LCT: variants seen among roughly 807,000 people sequenced by gnomAD.
LCT encodes the protein lactase/phlorizin hydrolase.
LCT carries 90 observed loss-of-function variants against 173.0 expected under a neutral mutation model. The observed-to-expected ratio is 0.52, with a 90% CI of 0.44 to 0.62. The LOEUF is 0.62. Among genes scored for constraint, LCT ranks in the 20% least tolerant of loss-of-function variants. The pLI is 0.00. For missense variants in LCT, 1,864 were observed against 2,431.4 expected, an observed-to-expected ratio of 0.77 and a Z score of 4.91; for synonymous variants, 853 against 957.6, an observed-to-expected ratio of 0.89 and a Z score of 2.02.
chr2:135,833,341 AAAAAAAT>A, intron 1 of LCT, 151 bp from the exon 2 acceptor site: 1 of 716,876 alleles, frequency 1.4e-6, no homozygotes, highest in Non-Finnish European at 2.5e-6. Context: ...AAGGTGGCTT[AAAAAAAT>A]AATGTTCCTT....
At chr2:135,836,015 TGTATACATA>T (rs1274983359) in intron 1 of LCT, among the ~76,000 whole-genome samples, 301 of 11,922 alleles carry the variant, frequency 0.025, 6 homozygotes, top group African/African-American at 0.039. Context: ...TATATATATA[TGTATACATA>T]TTTTTTTTTT....
Position 135,807,407 on chromosome 2 carries a change from C to T in LCT, c.3905-11G>A. 1 of 1,614,064 alleles carries T rather than the reference C, an allele frequency of 6.2e-7. No homozygotes were observed. Among genetic ancestry groups the T allele is most frequent in the Non-Finnish European group, 8.5e-7 (1 of 1,179,996 alleles). ...CATCGAGCCTGTAGGCTGGGAACAT[C>T]CCAAAGGGAGCAGAGGAGAGCTTGA... is the stretch of plus-strand genomic sequence containing the variant. On this transcript the variant is annotated splice_polypyrimidine_tract_variant and intron_variant, in intron 8 of 16. Coordinates refer to ENST00000264162, the MANE Select transcript of LCT (RefSeq NM_002299.4).
intron 9 of LCT, 135 bp downstream of exon 9, chr2:135,806,993 C>T: frequency 1.9e-6 from 2 of 1,026,500 alleles, no homozygotes; most frequent in Non-Finnish European, 3.0e-6. Flanking sequence ...AGAGGACCTC[C>T]CAGACCCCAT....
At chr2:135,831,830 C>A (rs1216849118) in intron 2 of LCT, among the ~76,000 whole-genome samples, 2 of 152,164 alleles carry the variant, frequency 1.3e-5, no homozygotes, top group Admixed American at 1.3e-4. Flanking sequence ...ACTACGGAGA[C>A]CGGCGGTGGT....
chr2:135,804,670 T>G (rs2077653939), intron 10 of LCT, 97 bp downstream of exon 10: 1 of 1,216,090 alleles, frequency 8.2e-7, no homozygotes, highest in African/African-American at 1.5e-5. Context: ...AAGCTAAATT[T>G]GAAACCAGCA....
rs761309644 is a variant in LCT, at chr2:135,808,587, G to A, written c.3760C>T (p.Arg1254Ter). The part of the protein sequence containing the change: ...AMNRAAPWGT[R>*]RLLNWIKEEY... ...TCCTTGATCCAGTTCAGCAGCCTTC[G>A]CGTCCCCCAGGGCGCAGCTCTGTTC... Residue 1254 changes from arginine (R) to a stop codon, truncating the protein, a stop_gained, in exon 8 of 17, where the codon CGA (arginine) becomes TGA (stop). Coordinates refer to ENST00000264162, the MANE Select transcript of LCT (RefSeq NM_002299.4). LOFTEE classifies it high-confidence loss of function. The A allele has an allele frequency of 8.7e-6, 14 of 1,614,086 alleles. No individual in the cohort carries two copies. Among genetic ancestry groups the A allele is most frequent in the African/African-American group, 2.7e-5 (2 of 74,932 alleles).
intron 3 of LCT, among the ~76,000 whole-genome samples, chr2:135,829,248 C>T (rs149748910): frequency 1.2e-4 from 18 of 152,114 alleles, no homozygotes; most frequent in African/African-American, 2.9e-4. Flanking sequence ...GTTAAGTGGA[C>T]GCTTATCGTT....
At chr2:135,799,158 C>T (rs751506498) in intron 12 of LCT, among the ~76,000 whole-genome samples, 3 of 152,182 alleles carry the variant, frequency 2.0e-5, no homozygotes, top group Admixed American at 6.5e-5. Context: ...TTAAGCCCTT[C>T]GTTGCATTTA....
chr2:135,808,716 A>C lies in LCT; in HGVS notation c.3631T>G (p.Ser1211Ala). Residue 1211 changes from serine (S) to alanine (A), a missense_variant, in exon 8 of 17, where the codon TCC becomes GCC. Transcript: ENST00000264162. ...ADVFCLNTYY[S>A]RIVQHKTPRL... ...GGTGTTTTGTGCTGCACGATTCTGG[A>C]GTAGTACGTGTTGAGGCAGAAGACG... 6.2e-7 allele frequency: 1 copy of C among 1,614,130 alleles called. No homozygotes were observed. Among genetic ancestry groups the C allele is most frequent in the Non-Finnish European group, 8.5e-7 (1 of 1,180,014 alleles).
rs1257692858 is a variant in LCT, at chr2:135,797,962, TTGCCC to T, written c.4976+62_4976+66del. Reference sequence around the variant, plus strand: ...AGCAAAGAAGCTCAGTCATGGTAACTTGCCCGAGACATGCCTCTGTGACCCCGACG... The same window carrying T: ...AGCAAAGAAGCTCAGTCATGGTAACTGAGACATGCCTCTGTGACCCCGACG... On this transcript the variant is annotated intron_variant, in intron 13 of 16. Transcript: ENST00000264162. 5 of 880,678 alleles carry T rather than the reference TTGCCC, an allele frequency of 5.7e-6. No individual in the cohort carries two copies. In the African/African-American group the frequency reaches 8.1e-5, roughly 14 times the overall value. The allele number at this position is 880,678 out of a possible 1,614,324, so 54.6% of individuals were successfully genotyped here.
intron 11 of LCT, among the ~76,000 whole-genome samples, chr2:135,802,046 T>C (rs940828945): frequency 6.6e-6 from 1 of 152,102 alleles, no homozygotes; most frequent in Non-Finnish European, 1.5e-5. Flanking sequence ...AGAATGTAGC[T>C]AATGCAACCA....
At chr2:135,805,137 A>G in intron 9 of LCT, 80 bp from the exon 10 acceptor site, 1 of 1,322,874 alleles carries the variant, frequency 7.6e-7, no homozygotes, top group Non-Finnish European at 1.1e-6. Context: ...GGTGAGTCTC[A>G]AGTCAGGACG....
At chr2:135,794,011 G>A (rs555036139) in intron 14 of LCT, among the ~76,000 whole-genome samples, 3 of 151,498 alleles carry the variant, frequency 2.0e-5, no homozygotes, top group African/African-American at 4.8e-5. Context: ...GTGGAGGTAC[G>A]CGCCTGTAAT....
Position 135,789,800 on chromosome 2 carries a change from T to A in LCT, c.5336-2A>T. The A allele has an allele frequency of 6.2e-7, 1 of 1,612,916 alleles. No individual in the cohort carries two copies. Among genetic ancestry groups the A allele is most frequent in the Non-Finnish European group, 8.5e-7 (1 of 1,178,818 alleles). ...GAAGGTCCACCTTGTCCTGCACAGC[T>A]GCTCAAACACAGAGGACTAGGCATA... On this transcript the variant is annotated splice_acceptor_variant, in intron 15 of 16. Transcript: ENST00000264162. LOFTEE classifies it high-confidence loss of function.
In LCT at chr2:135,798,170, G is replaced by A. The variant is rs199640040; in HGVS notation, c.4867-32C>T. The A allele has an allele frequency of 8.2e-5, 95 of 1,154,164 alleles. 1 individual carries two copies. The highest frequency in any genetic ancestry group is 1.3e-4 in the African/African-American group (9 of 67,086). 71.5% of individuals were successfully genotyped at this position (1,154,164 alleles called of 1,614,324 possible). A position where few individuals can be genotyped will look rare whatever the true frequency, so the allele number is the denominator to read the frequency against. ...GTAGGGTGGGGGAGACAGCCCAGGCGTTACAGGTGGGCACAGCAAGAGACA... is the reference window on the plus strand; with the variant it reads ...GTAGGGTGGGGGAGACAGCCCAGGCATTACAGGTGGGCACAGCAAGAGACA... On this transcript the variant is annotated intron_variant, in intron 12 of 16. Coordinates refer to ENST00000264162, the MANE Select transcript of LCT (RefSeq NM_002299.4).
chr2:135,805,785 G>A (rs2077665857), intron 9 of LCT, among the ~76,000 whole-genome samples: 1 of 152,162 alleles, frequency 6.6e-6, no homozygotes, highest in Non-Finnish European at 1.5e-5. Context: ...ATTGCCTAGT[G>A]CTTTGCAGCC....
rs992443171 is a variant in LCT at position 135,790,328 on chromosome 2, C to G, written c.5335+330G>C. Among the ~76,000 whole-genome samples the G allele has an allele frequency of 2.0e-5, 3 of 152,170 alleles. No individual in the cohort carries two copies. In the East Asian group the frequency reaches 5.8e-4, roughly 29 times the overall value. ...GAGACTAAGAGACCCTACAGGCAACCACACAGCCTACTCCTCCTGGGCCCT... is the reference window on the plus strand; with the variant it reads ...GAGACTAAGAGACCCTACAGGCAACGACACAGCCTACTCCTCCTGGGCCCT... On this transcript the variant is annotated intron_variant, in intron 15 of 16. Coordinates refer to ENST00000264162, the MANE Select transcript of LCT (RefSeq NM_002299.4). The surrounding 1 kb of genome is among the most constrained non-coding windows in gnomAD (Gnocchi z 4.1).
intron 7 of LCT, among the ~76,000 whole-genome samples, chr2:135,811,916 T>TA (rs762461343): frequency 6.4e-4 from 89 of 138,318 alleles, no homozygotes; most frequent in South Asian, 9.2e-4. Flanking sequence ...ACCCCATGTC[T>TA]AAAAAAAAAA....
chr2:135,827,509 C>A (rs2077897673), intron 3 of LCT, among the ~76,000 whole-genome samples: 1 of 151,974 alleles, frequency 6.6e-6, no homozygotes, highest in Non-Finnish European at 1.5e-5. Context: ...TGGTCCCCAA[C>A]ATTCTTGGCA....
Sources: gnomAD v4.1 joint callset for allele counts (sites outside exome capture counted in the v4.1 genomes callset) on GRCh38, gnomAD v4.1.1 for gene constraint, Gnocchi (gnomAD v3.1) non-coding constraint, MANE v1.5 for transcripts, NCBI Gene and HGNC (gene_info 2026-07-23, HGNC 2026-07-21) for gene names.